The following FBXO34 variants were observed in gnomAD, a reference collection of about 807,000 sequenced individuals.
The protein encoded by FBXO34 is F-box protein 34.
FBXO34 carries 12 observed loss-of-function variants against 24.5 expected under a neutral mutation model. The observed-to-expected ratio is 0.49, with a 90% CI of 0.31 to 0.79. The LOEUF is 0.79. Among genes scored for constraint, FBXO34 ranks in the 30% least tolerant of loss-of-function variants. The probability of loss-of-function intolerance (pLI) is 0.04; values close to 1 mark genes in which losing one functional copy is unlikely to be tolerated. For synonymous variants in FBXO34, 320 were observed against 311.9 expected, an observed-to-expected ratio of 1.03 and a Z score of -0.27; for missense variants, 823 against 857.7, an observed-to-expected ratio of 0.96 and a Z score of 0.51.
chr14:55,425,024 A>G, the FBXO34 span, among the ~76,000 whole-genome samples: 1 of 152,246 alleles, frequency 6.6e-6, no homozygotes, highest in East Asian at 1.9e-4. Flanking sequence ...ACATCCAAGC[A>G]ATGGAACACT....
At chr14:55,439,767 A>G in the FBXO34 span, among the ~76,000 whole-genome samples, 14 of 151,834 alleles carry the variant, frequency 9.2e-5, no homozygotes, top group East Asian at 2.5e-3. Flanking sequence ...TGTCTCTACT[A>G]AAAATACAAA....
intron 1 of FBXO34, among the ~76,000 whole-genome samples, chr14:55,324,970 A>G (rs72717705): frequency 0.011 from 1,702 of 152,290 alleles, 14 homozygotes; most frequent in Middle Eastern, 0.027. Context: ...CGAAAGGACG[A>G]GTGAGCTCTC....
the FBXO34 span, among the ~76,000 whole-genome samples, chr14:55,388,093 T>C: frequency 1.3e-5 from 2 of 151,998 alleles, no homozygotes; most frequent in African/African-American, 2.4e-5. Flanking sequence ...GCCGAGATCG[T>C]GCCACTGCAC....
At chr14:55,382,039 C>G in the FBXO34 span, 4 of 1,614,034 alleles carry the variant, frequency 2.5e-6, no homozygotes, top group Admixed American at 1.7e-5. Context: ...GAGGCTAATC[C>G]AAGGCCCTGT....
chr14:55,305,681 A>T (rs1237409443), intron 1 of FBXO34, among the ~76,000 whole-genome samples: 1 of 151,924 alleles, frequency 6.6e-6, no homozygotes, highest in South Asian at 2.1e-4. Flanking sequence ...AAAAAAAAAA[A>T]GTCTTAAAGC....
chr14:55,331,693 ATATATATATATGTATATATATATG>A lies in FBXO34; in HGVS notation c.-10-18662_-10-18639del, dbSNP rs1197039211. On this transcript the variant is annotated intron_variant, in intron 1 of 1. Coordinates refer to ENST00000313833, the MANE Select transcript of FBXO34 (RefSeq NM_017943.4). ...TGTGTATATATATATATGTGTATAT[ATATATATATATGTATATATATATG>A]TATATATATATGTATATATATATGT... Among the ~76,000 whole-genome samples, 26 of 66,538 alleles carry A rather than the reference ATATATATATATGTATATATATATG, an allele frequency of 3.9e-4. 3 individuals are homozygous for A. The highest frequency in any genetic ancestry group is 2.3e-3 in the Admixed American group (15 of 6,516). 43.7% of individuals were successfully genotyped at this position (66,538 alleles called of 152,430 possible).
chr14:55,308,220 A>G (rs182732346), intron 1 of FBXO34, among the ~76,000 whole-genome samples: 2 of 152,362 alleles, frequency 1.3e-5, no homozygotes, highest in South Asian at 2.1e-4. Context: ...TTACAGGCAC[A>G]TATCTGACTC....
At chr14:55,274,280 A>G (rs1312806739) in intron 1 of FBXO34, among the ~76,000 whole-genome samples, 1 of 152,230 alleles carries the variant, frequency 6.6e-6, no homozygotes, top group East Asian at 1.9e-4. Context: ...TGAAGAATAA[A>G]TGTCATAGTG....
At chr14:55,360,136 G>A (rs1230392241) in intron 3 of FBXO34, among the ~76,000 whole-genome samples, 14 of 151,946 alleles carry the variant, frequency 9.2e-5, no homozygotes, top group African/African-American at 3.1e-4. Context: ...GCAGTGGTGC[G>A]ATCTCAGCTC....
At chr14:55,385,369 T>C in the FBXO34 span, among the ~76,000 whole-genome samples, 2 of 152,210 alleles carry the variant, frequency 1.3e-5, no homozygotes, top group Non-Finnish European at 2.9e-5. Flanking sequence ...CTTGGCTCAC[T>C]GCGACCTCGG....
At chr14:55,361,502 G>C (rs1378845371) in intron 3 of FBXO34, among the ~76,000 whole-genome samples, 2 of 152,178 alleles carry the variant, frequency 1.3e-5, no homozygotes, top group East Asian at 3.8e-4. Context: ...TCAACTGAAA[G>C]TCACCAGCCG....
At chr14:55,416,784 G>C in the FBXO34 span, among the ~76,000 whole-genome samples, 5 of 152,134 alleles carry the variant, frequency 3.3e-5, no homozygotes, top group African/African-American at 1.2e-4. Context: ...AAGCATAATA[G>C]GTACAGCAAA....
At chr14:55,301,852 T>C (rs1484482023) in intron 1 of FBXO34, among the ~76,000 whole-genome samples, 2 of 152,218 alleles carry the variant, frequency 1.3e-5, no homozygotes, top group East Asian at 3.8e-4. Flanking sequence ...TCATGTCATG[T>C]GTACCATACC....
In FBXO34 at chr14:55,320,706, C is replaced by T. The variant is rs184847636; in HGVS notation, c.-10-29675C>T. Among the ~76,000 whole-genome samples, 314 of 152,172 alleles carry T rather than the reference C, an allele frequency of 2.1e-3. 3 individuals carry two copies. The South Asian group carries it at 0.028, about 14-fold the overall frequency. On this transcript the variant is annotated intron_variant, in intron 1 of 1. Transcript: ENST00000313833. The stretch of plus-strand genomic sequence containing the variant: ...CCGGGAGGTGGAGCTTGCGGTAAGT[C>T]GAGATCTGCCACTGCACTCCAGCCT...
chr14:55,324,012 T>C (rs540807012), intron 1 of FBXO34, among the ~76,000 whole-genome samples: 18 of 152,280 alleles, frequency 1.2e-4, no homozygotes, highest in South Asian at 2.1e-4. Flanking sequence ...CACCACTGTT[T>C]AATTATAGAA....
downstream of FBXO34, among the ~76,000 whole-genome samples, chr14:55,364,075 C>G (rs755376214): frequency 6.6e-6 from 1 of 151,686 alleles, no homozygotes; most frequent in Non-Finnish European, 1.5e-5. Context: ...CTCAGCCTCC[C>G]GAGTAGCTGG....
intron 1 of FBXO34, chr14:55,326,056 G>A (rs1411315284): frequency 6.6e-6 from 1 of 152,042 alleles, no homozygotes; most frequent in Non-Finnish European, 1.5e-5. Context: ...TACCTTTTTT[G>A]TACACTTGAC....
At chr14:55,370,053 CTA>C (rs932260340), downstream of FBXO34, 49 of 798,146 alleles carry the variant, frequency 6.1e-5, no homozygotes, top group African/African-American at 8.0e-4. Flanking sequence ...TTCCCCAAGT[CTA>C]TGCAGCACTC....
chr14:55,418,335 C>T, the FBXO34 span, among the ~76,000 whole-genome samples: 3 of 152,230 alleles, frequency 2.0e-5, no homozygotes, highest in East Asian at 5.8e-4. Context: ...TCATCCCTAC[C>T]CCTTAGTCAG....
Sources: allele counts gnomAD v4.1 joint callset (sites outside exome capture counted in the v4.1 genomes callset), GRCh38; gene constraint gnomAD v4.1.1; transcripts MANE v1.5; gene names NCBI Gene and HGNC (gene_info 2026-07-23, HGNC 2026-07-21).